The following SCLT1 variants were observed in gnomAD, a reference collection of about 807,000 sequenced individuals.
SCLT1 encodes sodium channel-associated protein 1.
A neutral mutation model predicts 112.8 loss-of-function variants in SCLT1; 78 were observed. That is an observed-to-expected ratio of 0.69 (90% CI 0.58 to 0.83). SCLT1 has a LOEUF of 0.83. SCLT1 is among the 40% of genes least tolerant of loss of function. The pLI is 0.00. For missense variants in SCLT1, 747 were observed against 770.4 expected (o/e 0.97, Z 0.36); for synonymous variants, 257 against 254.7 (o/e 1.01, Z -0.09).
intron 9 of SCLT1, among the ~76,000 whole-genome samples, chr4:128,987,313 A>G (rs1318336988): frequency 6.6e-6 from 1 of 152,172 alleles, no homozygotes; most frequent in East Asian, 1.9e-4. Flanking sequence ...AGCACGAAGA[A>G]CATCCAGAAA....
At chr4:128,900,728 G>C (rs1247756001) in intron 18 of SCLT1, among the ~76,000 whole-genome samples, 2 of 152,200 alleles carry the variant, frequency 1.3e-5, no homozygotes, top group African/African-American at 2.4e-5. Context: ...ACTACCCTCA[G>C]AGTGAACAGG....
chr4:128,947,680 A>G (rs1309908261), intron 15 of SCLT1, among the ~76,000 whole-genome samples: 1 of 152,194 alleles, frequency 6.6e-6, no homozygotes, highest in Non-Finnish European at 1.5e-5. Flanking sequence ...GTACTTTACA[A>G]GAGCAGGATA....
At chr4:129,086,385 G>C (rs1752401988) in intron 1 of SCLT1, among the ~76,000 whole-genome samples, 1 of 151,068 alleles carries the variant, frequency 6.6e-6, no homozygotes, top group South Asian at 2.1e-4. Context: ...TTTTATTTTG[G>C]ATTTTAGTTC....
At chr4:128,881,984 G>T (rs1361329587), downstream of SCLT1, among the ~76,000 whole-genome samples, 1 of 152,148 alleles carries the variant, frequency 6.6e-6, no homozygotes, top group African/African-American at 2.4e-5. Flanking sequence ...TTATCAGGAT[G>T]TGAAGAGTAG....
At chr4:128,884,854 C>T (rs1732769553) in intron 20 of SCLT1, among the ~76,000 whole-genome samples, 1 of 152,016 alleles carries the variant, frequency 6.6e-6, no homozygotes, top group African/African-American at 2.4e-5. Context: ...ACTACGTTGC[C>T]CAGACCAGCC....
chr4:129,010,930 C>T (rs1744464123), intron 5 of SCLT1, among the ~76,000 whole-genome samples: 2 of 152,170 alleles, frequency 1.3e-5, no homozygotes, highest in Admixed American at 6.5e-5. Context: ...TGCCTGACTG[C>T]CCTGGCCAGG....
In SCLT1 at chr4:128,997,864, G is replaced by A. The variant is rs1743141456; in HGVS notation, c.615+10C>T. 1 of 1,299,644 alleles carries A rather than the reference G, an allele frequency of 7.7e-7. No individual in the cohort carries two copies. Among genetic ancestry groups the A allele is most frequent in the South Asian group, 1.5e-5 (1 of 66,352 alleles). The allele number at this position is 1,299,644 out of a possible 1,614,324, so 80.5% of individuals were successfully genotyped here. A position where few individuals can be genotyped will look rare whatever the true frequency, so the allele number is the denominator to read the frequency against. The stretch of plus-strand genomic sequence containing the variant: ...GACAATTTCTAGTTTATATAAATAA[G>A]TATACTTACCACTTCCATGTTCTCA... On this transcript the variant is annotated intron_variant, in intron 8 of 20. Transcript: ENST00000281142.
chr4:128,968,442 C>G (rs1365704799), intron 10 of SCLT1, among the ~76,000 whole-genome samples: 2 of 152,058 alleles, frequency 1.3e-5, no homozygotes, highest in African/African-American at 2.4e-5. Flanking sequence ...TTCCAGTTCT[C>G]AATTAAAATT....
chr4:129,075,755 T>G (rs1394597147), intron 2 of SCLT1, among the ~76,000 whole-genome samples: 11 of 152,316 alleles, frequency 7.2e-5, no homozygotes, highest in Middle Eastern at 3.4e-3. Context: ...GCTAATAATC[T>G]GATTCAACTC....
chr4:129,019,612 T>C (rs1008611375), intron 5 of SCLT1, among the ~76,000 whole-genome samples: 3 of 152,064 alleles, frequency 2.0e-5, no homozygotes, highest in Admixed American at 2.0e-4. Context: ...CCAGCAGCCA[T>C]TTGCACCCTG....
At chr4:129,022,920 G>A (rs559015548) in intron 5 of SCLT1, among the ~76,000 whole-genome samples, 1 of 152,298 alleles carries the variant, frequency 6.6e-6, no homozygotes, top group South Asian at 2.1e-4. Flanking sequence ...CCTACAAAGG[G>A]AAACTCATTA....
rs1033244050 is a variant in SCLT1 at position 128,991,518 on chromosome 4, A to G, written c.686+649T>C. On this transcript the variant is annotated intron_variant, in intron 9 of 20. Transcript: ENST00000281142. ...AAGCTTCTGGACAGCAAAGGAAACAATAAGTAAATAAAAAAACCCACAGAA... is the reference window on the plus strand; with the variant it reads ...AAGCTTCTGGACAGCAAAGGAAACAGTAAGTAAATAAAAAAACCCACAGAA... 4.6e-5 allele frequency among the ~76,000 whole-genome samples: 7 copies of G among 151,854 alleles called. No homozygotes were observed. The East Asian group carries it at 5.8e-4, about 13-fold the overall frequency.
chr4:128,991,171 T>A (rs1742535580), intron 9 of SCLT1, among the ~76,000 whole-genome samples: 1 of 151,928 alleles, frequency 6.6e-6, no homozygotes, highest in South Asian at 2.1e-4. Context: ...TTAACTGACT[T>A]CAAATTATAC....
chr4:128,992,557 G>C (rs985380422), intron 8 of SCLT1, among the ~76,000 whole-genome samples: 1 of 151,940 alleles, frequency 6.6e-6, no homozygotes, highest in African/African-American at 2.4e-5. Context: ...GTTCTGAGCA[G>C]CCTGACATGT....
intron 18 of SCLT1, among the ~76,000 whole-genome samples, chr4:128,931,708 C>T (rs1237636115): frequency 2.6e-5 from 4 of 152,174 alleles, no homozygotes; most frequent in East Asian, 1.9e-4. Flanking sequence ...GTGATCAGCC[C>T]GCCTCGGCCT....
intron 2 of SCLT1, among the ~76,000 whole-genome samples, chr4:129,050,035 C>T (rs1195283387): frequency 1.3e-5 from 2 of 152,062 alleles, no homozygotes; most frequent in Non-Finnish European, 2.9e-5. Context: ...GAATGCTTTC[C>T]AACTTCATCC....
At chr4:129,074,011 T>G (rs569097300) in intron 2 of SCLT1, among the ~76,000 whole-genome samples, 130 of 152,280 alleles carry the variant, frequency 8.5e-4, no homozygotes, top group Non-Finnish European at 1.6e-3. Context: ...TACTCTTCAA[T>G]GTCCGTAAGA....
At chr4:129,045,368 A>T (rs751038856) in intron 2 of SCLT1, among the ~76,000 whole-genome samples, 12 of 152,132 alleles carry the variant, frequency 7.9e-5, no homozygotes, top group African/African-American at 1.7e-4. Flanking sequence ...ACAGCTAAAG[A>T]CACCAAAAGC....
chr4:129,068,247 T>C (rs1215956933), intron 2 of SCLT1, among the ~76,000 whole-genome samples: 7 of 152,194 alleles, frequency 4.6e-5, no homozygotes, highest in African/African-American at 1.4e-4. Flanking sequence ...AGTAGTAGGA[T>C]TGCTGGATCA....
Sources: allele counts gnomAD v4.1 joint callset (sites outside exome capture counted in the v4.1 genomes callset), GRCh38; gene constraint gnomAD v4.1.1; transcripts MANE v1.5; gene names NCBI Gene and HGNC (gene_info 2026-07-23, HGNC 2026-07-21).